The following SSBP2 variants were observed in gnomAD, a reference collection of about 807,000 sequenced individuals.
The protein encoded by SSBP2 is single-stranded DNA-binding protein 2.
SSBP2 carries 17 observed loss-of-function variants against 61.8 expected under a neutral mutation model. That is an observed-to-expected ratio of 0.28 (90% confidence interval 0.19 to 0.41). SSBP2 has a LOEUF of 0.41. Ranked by LOEUF, SSBP2 falls within the 10% of genes least tolerant of loss-of-function variation. The probability of loss-of-function intolerance (pLI) is 1.00; values close to 1 mark genes in which losing one functional copy is unlikely to be tolerated. For missense variants in SSBP2, 310 were observed against 458.7 expected, an observed-to-expected ratio of 0.68 and a Z score of 2.96; for synonymous variants, 139 against 141.3, an observed-to-expected ratio of 0.98 and a Z score of 0.12.
At chr5:81,559,908 T>G (rs527407612) in intron 4 of SSBP2, among the ~76,000 whole-genome samples, 3 of 152,278 alleles carry the variant, frequency 2.0e-5, no homozygotes, top group Non-Finnish European at 4.4e-5. Flanking sequence ...TGTCCATAAG[T>G]AATCTAAAAT....
chr5:81,488,052 T>TATATATAC (rs1766553329), intron 6 of SSBP2, among the ~76,000 whole-genome samples: 1 of 56,642 alleles, frequency 1.8e-5, no homozygotes, highest in Non-Finnish European at 3.2e-5. Context: ...TATATATATA[T>TATATATAC]ATATATAAAT....
chr5:81,552,411 G>A (rs1262652692), intron 4 of SSBP2, among the ~76,000 whole-genome samples: 2 of 152,072 alleles, frequency 1.3e-5, no homozygotes, highest in African/African-American at 4.8e-5. Context: ...GGCCCAGGTG[G>A]GTGGATCACT....
chr5:81,683,695 G>A (rs1752569289), intron 1 of SSBP2, among the ~76,000 whole-genome samples: 3 of 151,938 alleles, frequency 2.0e-5, no homozygotes, highest in Admixed American at 2.0e-4. Context: ...ACAGAATGAG[G>A]GAAAATGTTT....
chr5:81,746,026 T>C (rs1347563302), intron 1 of SSBP2, among the ~76,000 whole-genome samples: 1 of 152,106 alleles, frequency 6.6e-6, no homozygotes, highest in Admixed American at 6.5e-5. Flanking sequence ...AAATTGGTTT[T>C]ATGTGGCAAA....
rs1173274376 is a variant in SSBP2, at chr5:81,451,015, TG to T, written c.688-2191del. Among the ~76,000 whole-genome samples, 3 of 152,324 alleles carry T rather than the reference TG, an allele frequency of 2.0e-5. No homozygotes were observed. In the East Asian group the frequency reaches 5.8e-4, roughly 29 times the overall value. On this transcript the variant is annotated intron_variant, in intron 10 of 16. Coordinates refer to ENST00000320672, the MANE Select transcript of SSBP2 (RefSeq NM_012446.5). ...CCTTTATGAAAGCCTTGAAGCTTACTGGTAATGTGTCAGTAAACCCAGTAAA... is the reference window on the plus strand; with the variant it reads ...CCTTTATGAAAGCCTTGAAGCTTACTGTAATGTGTCAGTAAACCCAGTAAA...
intron 1 of SSBP2, among the ~76,000 whole-genome samples, chr5:81,656,177 G>C (rs1323926140): frequency 6.6e-6 from 1 of 151,952 alleles, no homozygotes; most frequent in African/African-American, 2.4e-5. Context: ...TCAGCCTCCG[G>C]AGTAGCTGGG....
Position 81,580,406 on chromosome 5 carries a change from A to G in SSBP2, c.282+35067T>C, listed in dbSNP as rs78008474. On this transcript the variant is annotated intron_variant, in intron 4 of 16. Coordinates refer to ENST00000320672, the MANE Select transcript of SSBP2 (RefSeq NM_012446.5). ...AGAATCCATGTTAACTCCAAATTCA[A>G]CTCAACCAAATGACAACTCAGCCAA... Among the ~76,000 whole-genome samples the G allele has an allele frequency of 8.5e-3, 1,294 of 152,156 alleles. 28 individuals carry two copies. Among genetic ancestry groups the G allele is most frequent in the African/African-American group, 0.03 (1,232 of 41,542 alleles).
In SSBP2 at chr5:81,473,788, A is replaced by G. The variant is rs1561442553; in HGVS notation, c.500-18T>C. The G allele has an allele frequency of 6.2e-7, 1 of 1,611,654 alleles. No individual in the cohort carries two copies. Among genetic ancestry groups the G allele is most frequent in the East Asian group, 2.2e-5 (1 of 44,872 alleles). ...TGGATGTCCTAAAAAAAGTATGAAG[A>G]CATTAGCAAAGTAATGAGCATGAGT... On this transcript the variant is annotated intron_variant, in intron 7 of 16. Transcript: ENST00000320672.
intron 6 of SSBP2, among the ~76,000 whole-genome samples, chr5:81,486,188 C>T (rs1766367407): frequency 6.6e-6 from 1 of 151,968 alleles, no homozygotes; most frequent in Non-Finnish European, 1.5e-5. Context: ...GGAAAGAGAG[C>T]CTATATAAAA....
chr5:81,569,168 T>G (rs1201198929), intron 4 of SSBP2, among the ~76,000 whole-genome samples: 1 of 152,224 alleles, frequency 6.6e-6, no homozygotes, highest in Non-Finnish European at 1.5e-5. Flanking sequence ...AATTTTCATT[T>G]TATTTTTAAA....
At chr5:81,710,451 A>C (rs2153931718) in intron 1 of SSBP2, among the ~76,000 whole-genome samples, 1 of 152,174 alleles carries the variant, frequency 6.6e-6, no homozygotes, top group South Asian at 2.1e-4. Flanking sequence ...GAATTTTTAA[A>C]TGTCATGATA....
At chr5:81,607,896 G>T (rs1745031510) in intron 4 of SSBP2, among the ~76,000 whole-genome samples, 1 of 152,112 alleles carries the variant, frequency 6.6e-6, no homozygotes, top group Non-Finnish European at 1.5e-5. Context: ...CTGAAACAGT[G>T]AACAGCTTTG....
chr5:81,684,376 T>TTA (rs1254897158), intron 1 of SSBP2, among the ~76,000 whole-genome samples: 1 of 152,122 alleles, frequency 6.6e-6, no homozygotes, highest in Non-Finnish European at 1.5e-5. Flanking sequence ...TCAAATTACA[T>TTA]AATAATCTGG....
intron 4 of SSBP2, among the ~76,000 whole-genome samples, chr5:81,534,025 C>T (rs1396881463): frequency 3.9e-5 from 6 of 152,050 alleles, no homozygotes; most frequent in Non-Finnish European, 7.4e-5. Context: ...AGAAACTAAC[C>T]GGAGCCTCAC....
At chr5:81,465,287 C>G (rs184551620) in intron 9 of SSBP2, among the ~76,000 whole-genome samples, 10 of 151,880 alleles carry the variant, frequency 6.6e-5, no homozygotes, top group African/African-American at 2.2e-4. Flanking sequence ...AGGGATTAAA[C>G]TTAAATAAGA....
chr5:81,442,764 T>TA (rs761627826), intron 12 of SSBP2, 41 bp from the exon 13 acceptor site: 1 of 1,083,106 alleles, frequency 9.2e-7, no homozygotes. Context: ...TTCTTTAGAG[T>TA]CTATACCCAA....
At chr5:81,430,221 A>G (rs898301608) in intron 15 of SSBP2, among the ~76,000 whole-genome samples, 3 of 152,188 alleles carry the variant, frequency 2.0e-5, no homozygotes, top group Non-Finnish European at 4.4e-5. Flanking sequence ...TTTATAAAAA[A>G]TATTGTAAGA....
rs1298020036 is a variant in SSBP2, at chr5:81,412,923, A to AT, written c.*7580dup. ...CATAGAGCCAGCCATTGATATATGC[A>AT]TTGTAGCCTCTTCTTCCATGCATAT... On this transcript the variant is annotated 3_prime_UTR_variant, in exon 17 of 17. Coordinates refer to ENST00000320672, the MANE Select transcript of SSBP2 (RefSeq NM_012446.5). The AT allele has an allele frequency of 6.6e-6, 1 of 152,126 alleles. No individual in the cohort carries two copies. The highest frequency in any genetic ancestry group is 2.4e-5 in the African/African-American group (1 of 41,412). The allele number at this position is 152,126 out of a possible 1,614,324, so 9.4% of individuals were successfully genotyped here. A position where few individuals can be genotyped will look rare whatever the true frequency, so the allele number is the denominator to read the frequency against.
chr5:81,622,919 T>C (rs1746748636), intron 3 of SSBP2, among the ~76,000 whole-genome samples: 1 of 152,194 alleles, frequency 6.6e-6, no homozygotes, highest in African/African-American at 2.4e-5. Context: ...TCCTTCTCAA[T>C]TTCTATAATA....
Sources: allele counts gnomAD v4.1 joint callset (sites outside exome capture counted in the v4.1 genomes callset), GRCh38; gene constraint gnomAD v4.1.1; transcripts MANE v1.5; gene names NCBI Gene and HGNC (gene_info 2026-07-23, HGNC 2026-07-21).